GPR137C: variants seen among roughly 807,000 people sequenced by gnomAD.
GPR137C encodes G protein-coupled receptor 137C, also known as integral membrane protein GPR137C.
In GPR137C, 27 loss-of-function variants were observed where a neutral mutation model predicts 43.4. That is an observed-to-expected ratio of 0.62 (90% confidence interval 0.46 to 0.86). The LOEUF is 0.86. Among genes scored for constraint, GPR137C ranks in the 40% least tolerant of loss-of-function variants. The pLI, the probability that GPR137C is intolerant of heterozygous loss-of-function variation, is 0.00. For missense variants in GPR137C, 522 were observed against 534.6 expected (o/e 0.98, Z 0.23); for synonymous variants, 285 against 226.9 (o/e 1.26, Z -2.30).
chr14:52,624,888 G>C (rs1230471684), intron 3 of GPR137C, among the ~76,000 whole-genome samples: 1 of 152,112 alleles, frequency 6.6e-6, no homozygotes, highest in Non-Finnish European at 1.5e-5. Flanking sequence ...GAATGAAAGA[G>C]GGACTATCAC....
At chr14:52,565,820 C>T (rs1166128714) in intron 1 of GPR137C, among the ~76,000 whole-genome samples, 1 of 152,156 alleles carries the variant, frequency 6.6e-6, no homozygotes, top group Non-Finnish European at 1.5e-5. Context: ...GATAGTACAT[C>T]ATGAATGGCC....
intron 1 of GPR137C, among the ~76,000 whole-genome samples, chr14:52,566,695 A>G (rs1258662429): frequency 1.3e-5 from 2 of 152,248 alleles, no homozygotes; most frequent in East Asian, 1.9e-4. Context: ...GGAGCATTAT[A>G]CATACGTTTT....
intron 1 of GPR137C, among the ~76,000 whole-genome samples, chr14:52,577,183 C>CAAAAAAAAAAAAAAAAAAA (rs34249999): frequency 2.4e-5 from 1 of 41,148 alleles, no homozygotes; most frequent in African/African-American, 1.0e-4. Context: ...TAAGACTCCT[C>CAAAAAAAAAAAAAAAAAAA]AAAAAAAAAA....
rs192359102 is a variant in GPR137C, at chr14:52,633,761, A to T, written c.994-67A>T. The T allele has an allele frequency of 6.6e-6, 10 of 1,518,146 alleles. No homozygotes were observed. The East Asian group carries it at 1.6e-4, about 24-fold the overall frequency. 94.0% of individuals were successfully genotyped at this position (1,518,146 alleles called of 1,614,324 possible). A position where few individuals can be genotyped will look rare whatever the true frequency, so the allele number is the denominator to read the frequency against. ...AAAGGTTAAGACTAAAAATTATTAT[A>T]GATTCTAGCCTCCTTTCTTAGTGGA... On this transcript the variant is annotated intron_variant, in intron 5 of 6. Coordinates refer to ENST00000321662, the MANE Select transcript of GPR137C (RefSeq NM_001099652.2).
intron 1 of GPR137C, among the ~76,000 whole-genome samples, chr14:52,560,557 G>C (rs1421292349): frequency 2.0e-5 from 3 of 152,202 alleles, no homozygotes; most frequent in African/African-American, 7.2e-5. Flanking sequence ...GGAAAAGATA[G>C]ACATATAGAT....
intron 1 of GPR137C, among the ~76,000 whole-genome samples, chr14:52,570,327 A>G (rs997603775): frequency 6.6e-6 from 1 of 152,232 alleles, no homozygotes; most frequent in East Asian, 1.9e-4. Context: ...GGCCTGCCTT[A>G]CAAGAGCTTC....
chr14:52,616,427 G>A (rs1377073966), intron 3 of GPR137C, among the ~76,000 whole-genome samples: 1 of 152,102 alleles, frequency 6.6e-6, no homozygotes, highest in African/African-American at 2.4e-5. Context: ...ACAAGTAGCT[G>A]GAATTACAGG....
intron 6 of GPR137C, 90 bp from the exon 7 acceptor site, chr14:52,634,848 C>T (rs1037334844): frequency 1.5e-5 from 17 of 1,131,184 alleles, no homozygotes; most frequent in Non-Finnish European, 2.1e-5. Context: ...AACTTTATTA[C>T]AAAATTCATT....
In GPR137C at chr14:52,634,834, T is replaced by C. The variant is rs185338147; in HGVS notation, c.1113-104T>C. ...AAGAACATATTTCAATGTATTTGAGTGCTAACTTTATTACAAAATTCATTG... is the reference window on the plus strand; with the variant it reads ...AAGAACATATTTCAATGTATTTGAGCGCTAACTTTATTACAAAATTCATTG... On this transcript the variant is annotated intron_variant, in intron 6 of 6. Coordinates refer to ENST00000321662, the MANE Select transcript of GPR137C (RefSeq NM_001099652.2). The C allele has an allele frequency of 2.2e-3, 1,989 of 923,992 alleles. 3 individuals are homozygous for C. The highest frequency in any genetic ancestry group is 3.0e-3 in the Non-Finnish European group (1,825 of 607,660). The allele number at this position is 923,992 out of a possible 1,614,324, so 57.2% of individuals were successfully genotyped here.
At chr14:52,612,560 A>AT in intron 3 of GPR137C, 1 of 972,882 alleles carries the variant, frequency 1.0e-6, no homozygotes, top group Non-Finnish European at 1.2e-6. Flanking sequence ...TATGATTTGC[A>AT]TTACTTTTTT....
At position 52,599,781 on chromosome 14, in the gene GPR137C, A is replaced by C. The variant is rs530474523; in HGVS notation, c.489-332A>C. 2.0e-5 allele frequency among the ~76,000 whole-genome samples: 3 copies of C among 152,316 alleles called. 1 individual carries two copies. The highest frequency in any genetic ancestry group is 4.1e-4 in the South Asian group (2 of 4,830). On this transcript the variant is annotated intron_variant, in intron 2 of 6. Transcript: ENST00000321662. ...AATCAATTAAAATTTAATCAATATGAATTTAGATACAGTATATTAATTTTC... is the reference window on the plus strand; with the variant it reads ...AATCAATTAAAATTTAATCAATATGCATTTAGATACAGTATATTAATTTTC...
chr14:52,579,398 A>C (rs1184372057), intron 1 of GPR137C, among the ~76,000 whole-genome samples: 2 of 152,196 alleles, frequency 1.3e-5, no homozygotes, highest in African/African-American at 4.8e-5. Flanking sequence ...GCTCTTAAAC[A>C]GCTTTTATCT....
At chr14:52,620,595 A>G (rs2039149267) in intron 3 of GPR137C, among the ~76,000 whole-genome samples, 1 of 152,018 alleles carries the variant, frequency 6.6e-6, no homozygotes, top group African/African-American at 2.4e-5. Flanking sequence ...TCAAAAGGCA[A>G]TGAAGACAAC....
chr14:52,561,812 G>C (rs976578013), intron 1 of GPR137C, among the ~76,000 whole-genome samples: 1 of 152,134 alleles, frequency 6.6e-6, no homozygotes, highest in Non-Finnish European at 1.5e-5. Context: ...AGTTTCCTAG[G>C]GTCTGGAGCA....
chr14:52,578,550 T>A (rs1157829750), intron 1 of GPR137C, among the ~76,000 whole-genome samples: 4 of 152,342 alleles, frequency 2.6e-5, no homozygotes, highest in Admixed American at 2.6e-4. Context: ...ATAGTTTTCC[T>A]GTTTTAGTTT....
chr14:52,630,297 T>C (rs992613033), intron 3 of GPR137C, among the ~76,000 whole-genome samples: 3 of 152,202 alleles, frequency 2.0e-5, no homozygotes, highest in Non-Finnish European at 4.4e-5. Context: ...CTGACAGTTG[T>C]CATATTTCCC....
chr14:52,567,409 A>G (rs1489004853), intron 1 of GPR137C, among the ~76,000 whole-genome samples: 1 of 152,232 alleles, frequency 6.6e-6, no homozygotes, highest in Non-Finnish European at 1.5e-5. Context: ...TTTAGACAAT[A>G]TGATAAACAC....
At chr14:52,617,295 G>A (rs1259649180) in intron 3 of GPR137C, among the ~76,000 whole-genome samples, 1 of 152,014 alleles carries the variant, frequency 6.6e-6, no homozygotes, top group African/African-American at 2.4e-5. Flanking sequence ...ATAAAAAATA[G>A]AATCAAATAT....
At chr14:52,597,208 A>C (rs2038867492) in intron 1 of GPR137C, among the ~76,000 whole-genome samples, 1 of 152,170 alleles carries the variant, frequency 6.6e-6, no homozygotes, top group Admixed American at 6.5e-5. Context: ...GGAGTGAATT[A>C]GTCTTTTCTC....
Sources: gnomAD v4.1 joint callset for allele counts (sites outside exome capture counted in the v4.1 genomes callset) on GRCh38, gnomAD v4.1.1 for gene constraint, MANE v1.5 for transcripts, NCBI Gene and HGNC (gene_info 2026-07-23, HGNC 2026-07-21) for gene names.